The following LRP4 variants were observed in gnomAD, a reference collection of about 807,000 sequenced individuals.
LRP4 encodes LDL receptor related protein 4, also known as low-density lipoprotein receptor-related protein 4.
A neutral mutation model predicts 220.3 loss-of-function variants in LRP4; 95 were observed. That is an observed-to-expected ratio of 0.43 (90% CI 0.37 to 0.51). The LOEUF is 0.51. Ranked by LOEUF, LRP4 falls within the 20% of genes least tolerant of loss-of-function variation. The pLI is 0.00. For synonymous variants in LRP4, 903 were observed against 954.6 expected, an observed-to-expected ratio of 0.95 and a Z score of 1.00; for missense variants, 1,925 against 2,567.0, an observed-to-expected ratio of 0.75 and a Z score of 5.40.
At chr11:46,877,590 CCT>C (rs1268918413) in intron 22 of LRP4, among the ~76,000 whole-genome samples, 2 of 152,148 alleles carry the variant, frequency 1.3e-5, no homozygotes, top group Non-Finnish European at 2.9e-5. Context: ...ACCTCAGCCC[CCT>C]GAGTAGCTGG....
rs1941094430 is a variant in LRP4 at position 46,879,261 on chromosome 11, G to A, written c.2869C>T (p.Arg957Cys). ...GTCTGCCAGTCAGTCCAATAGATGC[G>A]CTCTCCATAGAGGGTCAGCCCAAAT... ...HPFGLTLYGE[R>C]IYWTDWQTKS... is the part of the protein sequence containing the mutation. Residue 957 changes from arginine (R) to cysteine (C), a missense_variant, in exon 21 of 38, where the codon CGC (arginine) becomes TGC (cysteine). Around this residue, in one of 3 missense-constraint regions of LRP4, gnomAD observed 1,244 missense variants for 1,624.9 expected, o/e 0.77. Coordinates refer to ENST00000378623, the MANE Select transcript of LRP4 (RefSeq NM_002334.4). 14 of 1,614,192 alleles carry A rather than the reference G, an allele frequency of 8.7e-6. No homozygotes were observed. The highest frequency in any genetic ancestry group is 1.7e-5 in the Admixed American group (1 of 60,022).
At chr11:46,874,147 A>G (rs1045567523) in intron 28 of LRP4, 5 of 164,982 alleles carry the variant, frequency 3.0e-5, no homozygotes, top group African/African-American at 1.2e-4. Context: ...GCAGGAGGGA[A>G]CTCTACCTCA....
At chr11:46,894,526 C>T in intron 12 of LRP4, 63 bp downstream of exon 12, 2 of 1,322,288 alleles carry the variant, frequency 1.5e-6, no homozygotes, top group Non-Finnish European at 2.1e-6. Flanking sequence ...CTGGCCTATT[C>T]CTCCCACCGT....
intron 1 of LRP4, among the ~76,000 whole-genome samples, chr11:46,912,514 C>G (rs1941877883): frequency 6.6e-6 from 1 of 152,170 alleles, no homozygotes; most frequent in Non-Finnish European, 1.5e-5. Context: ...CTCCCCTTTC[C>G]TATTTGCTAG....
intron 1 of LRP4, among the ~76,000 whole-genome samples, chr11:46,916,851 T>A (rs1017134804): frequency 6.6e-6 from 1 of 152,198 alleles, no homozygotes. Flanking sequence ...AAGGGGCCCA[T>A]GTGGTGGGAA....
In LRP4 at chr11:46,875,703, G is replaced by T. The variant is rs767046815; in HGVS notation, c.3700-22C>A. 3 of 1,612,036 alleles carry T rather than the reference G, an allele frequency of 1.9e-6. No individual in the cohort carries two copies. In the South Asian group the frequency reaches 3.3e-5, roughly 18 times the overall value. ...TTCGCTGCAGAGGAAGGAGAGGGTG[G>T]GGGGTGGTGATCAGCAGATTGGGAA... On this transcript the variant is annotated intron_variant, in intron 26 of 37. Transcript: ENST00000378623. This position sits in a 1 kb window ranked among gnomAD's most constrained non-coding sequence, Gnocchi z 4.5.
intron 1 of LRP4, among the ~76,000 whole-genome samples, chr11:46,911,484 CT>C: frequency 1.3e-5 from 2 of 151,524 alleles, no homozygotes; most frequent in East Asian, 3.9e-4. Context: ...TTCTGGAAAC[CT>C]TTTAAAGTCT....
Position 46,875,226 on chromosome 11 carries a change from G to A in LRP4, c.3926-123C>T, listed in dbSNP as rs1940977666. 2 of 1,096,144 alleles carry A rather than the reference G, an allele frequency of 1.8e-6. No homozygotes were observed. The highest frequency in any genetic ancestry group is 4.0e-5 in the Admixed American group (2 of 50,602). 67.9% of individuals were successfully genotyped at this position (1,096,144 alleles called of 1,614,324 possible). A position where few individuals can be genotyped will look rare whatever the true frequency, so the allele number is the denominator to read the frequency against. ...AGTGACAGGATTCAGTGCCTGGCAG[G>A]GTGAGGTAGAAGGAGGGTCTGCAGG... On this transcript the variant is annotated intron_variant, in intron 27 of 37. Coordinates refer to ENST00000378623, the MANE Select transcript of LRP4 (RefSeq NM_002334.4). The surrounding 1 kb of genome is among the most constrained non-coding windows in gnomAD (Gnocchi z 4.5).
chr11:46,867,527 T>C (rs1940736564), intron 34 of LRP4, among the ~76,000 whole-genome samples: 1 of 152,232 alleles, frequency 6.6e-6, no homozygotes, highest in Non-Finnish European at 1.5e-5. Context: ...AATGGCGCGA[T>C]CTCGGCTCAC....
intron 1 of LRP4, among the ~76,000 whole-genome samples, chr11:46,910,745 C>T (rs1364984842): frequency 7.0e-6 from 1 of 143,414 alleles, no homozygotes; most frequent in Non-Finnish European, 1.5e-5. Flanking sequence ...ACAATCTCAG[C>T]TTACTGCAAC....
Position 46,890,459 on chromosome 11 carries a change from CG to C in LRP4, c.1732del (p.Arg578ValfsTer233). The C allele has an allele frequency of 6.2e-7, 1 of 1,613,938 alleles. No individual in the cohort carries two copies. Among genetic ancestry groups the C allele is most frequent in the African/African-American group, 1.3e-5 (1 of 74,994 alleles). On this transcript the variant is annotated frameshift_variant, in exon 14 of 38. Coordinates refer to ENST00000378623, the MANE Select transcript of LRP4 (RefSeq NM_002334.4). LOFTEE classifies it high-confidence loss of function. This position sits in a 1 kb window ranked among gnomAD's most constrained non-coding sequence, Gnocchi z 5.3. ...GCCATCCATGCTGGAGGCCTCAATACGGGGGGTGTTGCCCCAGTCTGTCCAG... is the reference window on the plus strand; with the variant it reads ...GCCATCCATGCTGGAGGCCTCAATACGGGGGTGTTGCCCCAGTCTGTCCAG... ...IYWTDWGNTP[R>X]IEASSMDGSG...
chr11:46,889,769 C>T (rs1941380795), intron 15 of LRP4, 175 bp downstream of exon 15: 2 of 850,836 alleles, frequency 2.4e-6, no homozygotes, highest in Non-Finnish European at 3.8e-6. Flanking sequence ...TTTCGTGAAT[C>T]TTGTTGTACT....
intron 8 of LRP4, 23 bp downstream of exon 8, chr11:46,896,846 T>G: frequency 6.2e-7 from 1 of 1,614,028 alleles, no homozygotes. Context: ...CTAAGGGTTC[T>G]GGGGCACCCC....
Position 46,859,258 on chromosome 11 carries a change from G to A in LRP4, c.5443C>T (p.Leu1815Phe). ...EKIKIVEGIC[L>F]LSGDDAEWDD... is the part of the protein sequence containing the mutation. The stretch of plus-strand genomic sequence containing the variant: ...CACTCAGCATCATCCCCAGACAGGA[G>A]GCAGATTCCCTCTACGATCTTGATC... The change falls in exon 38 of 38, where the codon CTC (leucine) becomes TTC (phenylalanine). Residue 1815 changes from leucine (L) to phenylalanine (F), a missense_variant. This residue lies in a region of LRP4 where 1,244 missense variants were observed against 1,624.9 expected (regional missense o/e 0.77). Transcript: ENST00000378623. 1 of 1,614,134 alleles carries A rather than the reference G, an allele frequency of 6.2e-7. No homozygotes were observed. The highest frequency in any genetic ancestry group is 8.5e-7 in the Non-Finnish European group (1 of 1,180,026).
intron 7 of LRP4, among the ~76,000 whole-genome samples, chr11:46,897,334 C>CTTTTTTTTTTTTTTTTTTTTTTTT (rs60604776): frequency 1.6e-5 from 2 of 128,080 alleles, no homozygotes; most frequent in Non-Finnish European, 3.3e-5. Flanking sequence ...GCCTGTTTGT[C>CTTTTTTTTTTTTTTTTTTTTTTTT]TTTTTTTTTT....
At chr11:46,894,172 G>C (rs978862954) in intron 12 of LRP4, among the ~76,000 whole-genome samples, 6 of 152,258 alleles carry the variant, frequency 3.9e-5, no homozygotes, top group African/African-American at 1.4e-4. Context: ...GATTACAGGC[G>C]TGAGCCACCG....
chr11:46,874,795 C>A lies in LRP4; in HGVS notation c.4229+5G>T. 6.2e-7 allele frequency: 1 copy of A among 1,613,258 alleles called. No homozygotes were observed. Among genetic ancestry groups the A allele is most frequent in the South Asian group, 1.1e-5 (1 of 91,040 alleles). ...GTCTTCTGGAGGTTTCAGTGTTGCT[C>A]ATACCTGATAACATCCAGGAACACA... On this transcript the variant is annotated splice_donor_5th_base_variant and intron_variant, in intron 28 of 37. Transcript: ENST00000378623.
At chr11:46,910,890 G>A (rs1941848535) in intron 1 of LRP4, among the ~76,000 whole-genome samples, 1 of 151,984 alleles carries the variant, frequency 6.6e-6, no homozygotes, top group East Asian at 1.9e-4. Flanking sequence ...TGACCAGGCT[G>A]GTCTCAAACT....
chr11:46,901,285 A>G (rs1941660377), intron 2 of LRP4, among the ~76,000 whole-genome samples: 1 of 152,228 alleles, frequency 6.6e-6, no homozygotes, highest in African/African-American at 2.4e-5. Context: ...CATGAGCAAG[A>G]GAAAGAAGCG....
Sources: gnomAD v4.1 joint callset for allele counts (sites outside exome capture counted in the v4.1 genomes callset) on GRCh38, gnomAD v4.1.1 for gene constraint, gnomAD v4.1.1 regional missense constraint, Gnocchi (gnomAD v3.1) non-coding constraint, MANE v1.5 for transcripts, NCBI Gene and HGNC (gene_info 2026-07-23, HGNC 2026-07-21) for gene names.